Variants in KCNG1 observed in about 807,000 individuals in gnomAD.
The protein encoded by KCNG1 is potassium voltage-gated channel modifier subfamily G member 1.
Under a neutral mutation model 32.4 loss-of-function variants are expected in KCNG1, and 17 were observed. The observed-to-expected ratio is 0.52, with a 90% CI of 0.36 to 0.79. KCNG1 has a LOEUF of 0.79. Ranked by LOEUF, KCNG1 falls within the 30% of genes least tolerant of loss-of-function variation. The pLI, the probability that KCNG1 is intolerant of heterozygous loss-of-function variation, is 0.00. For missense variants in KCNG1, 441 were observed against 735.2 expected (o/e 0.60, Z 4.63); for synonymous variants, 358 against 339.9 (o/e 1.05, Z -0.59).
intron 2 of KCNG1, among the ~76,000 whole-genome samples, chr20:51,009,025 A>G (rs1334397408): frequency 6.6e-6 from 1 of 152,188 alleles, no homozygotes; most frequent in Admixed American, 6.5e-5. Flanking sequence ...TGGAGTAAAT[A>G]AACTTTCCAT....
chr20:51,014,508 G>T (rs879416333), intron 1 of KCNG1, among the ~76,000 whole-genome samples: 1 of 152,196 alleles, frequency 6.6e-6, no homozygotes, highest in Non-Finnish European at 1.5e-5. Context: ...TTGAAGCAGA[G>T]GCTGCGATGG....
chr20:51,022,458 G>C (rs1988516646), intron 1 of KCNG1, among the ~76,000 whole-genome samples: 1 of 152,168 alleles, frequency 6.6e-6, no homozygotes, highest in African/African-American at 2.4e-5. Context: ...GCTCCATACT[G>C]TGCCTAAGGA....
At chr20:51,017,078 T>A (rs1988305778) in intron 1 of KCNG1, among the ~76,000 whole-genome samples, 1 of 152,240 alleles carries the variant, frequency 6.6e-6, no homozygotes, top group South Asian at 2.1e-4. Context: ...GGTTTGCTTC[T>A]GGGGAACCAG....
Position 51,004,416 on chromosome 20 carries a change from C to T in KCNG1, c.1165G>A (p.Ala389Thr), listed in dbSNP as rs1392220748. The change falls in exon 3 of 3, where the codon GCC (alanine) becomes ACC (threonine). Residue 389 changes from alanine (A) to threonine (T), a missense_variant. This residue lies in a region of KCNG1 where 169 missense variants were observed against 297.7 expected (regional missense o/e 0.57). Transcript: ENST00000371571. This position sits in a 1 kb window ranked among gnomAD's most constrained non-coding sequence, Gnocchi z 4.3. Reference sequence around the variant, plus strand: ...ACGTAGAGCAGGGGCGCGAAGAGGGCGATGGCCACGCAGAGGAAGAGCAGC... The same window carrying T: ...ACGTAGAGCAGGGGCGCGAAGAGGGTGATGGCCACGCAGAGGAAGAGCAGC... ...LLLLFLCVAIALFAPLLYVIE... is the reference protein window; with the variant it reads ...LLLLFLCVAITLFAPLLYVIE... The T allele has an allele frequency of 1.2e-6, 2 of 1,610,700 alleles. No homozygotes were observed. Among genetic ancestry groups the T allele is most frequent in the South Asian group, 1.1e-5 (1 of 90,990 alleles).
Position 51,009,222 on chromosome 20 carries a change from G to A in KCNG1, c.774+343C>T, listed in dbSNP as rs932686149. Among the ~76,000 whole-genome samples the A allele has an allele frequency of 2.6e-5, 4 of 152,260 alleles. No individual in the cohort carries two copies. The East Asian group carries it at 7.7e-4, about 29-fold the overall frequency. On this transcript the variant is annotated intron_variant, in intron 2 of 2. Transcript: ENST00000371571. ...ATATATGTAATGTGCTTCGCTCAGG[G>A]CCAGGCACGTCAAAAATCACACCAC...
intron 1 of KCNG1, among the ~76,000 whole-genome samples, chr20:51,010,880 G>A (rs1250161907): frequency 2.0e-5 from 3 of 150,816 alleles, no homozygotes. Context: ...GGGTGACAGA[G>A]CAAGACTCCA....
At chr20:51,007,188 A>ATTTTTT in intron 2 of KCNG1, 1 of 144,536 alleles carries the variant, frequency 6.9e-6, no homozygotes, top group East Asian at 2.0e-4. Flanking sequence ...CCATCTCTAA[A>ATTTTTT]TTTTTTTTTT....
intron 1 of KCNG1, among the ~76,000 whole-genome samples, chr20:51,017,728 G>T (rs1601106945): frequency 6.6e-6 from 1 of 152,158 alleles, no homozygotes; most frequent in Non-Finnish European, 1.5e-5. Flanking sequence ...CTGTGTGAGA[G>T]AGGGGACCGG....
intron 1 of KCNG1, chr20:51,014,134 C>G (rs1988192934): frequency 6.6e-6 from 1 of 152,182 alleles, no homozygotes; most frequent in Non-Finnish European, 1.5e-5. Context: ...GCTGATGCTA[C>G]TCGGAGGGTA....
rs1302485629 is a variant in KCNG1, at chr20:51,009,577, C to T, written c.762G>A (p.Glu254=). The T allele has an allele frequency of 8.7e-6, 14 of 1,604,632 alleles. No individual in the cohort carries two copies. Among genetic ancestry groups the T allele is most frequent in the Non-Finnish European group, 1.0e-5 (12 of 1,176,672 alleles). ...LSVSTLPSLR[E]EEEQGHCSQM... is the part of the protein sequence containing the mutation. ...CGTGGGCTCTTACCTGCTCCTCCTC[C>T]TCCCTCAGGCTGGGCAAGGTGCTGA... The change falls in exon 2 of 3, where the codon GAG becomes GAA. Residue 254 remains glutamate (E), a synonymous_variant. Coordinates refer to ENST00000371571, the MANE Select transcript of KCNG1 (RefSeq NM_002237.4).
At chr20:51,010,678 T>C (rs1036637118) in intron 1 of KCNG1, among the ~76,000 whole-genome samples, 1 of 152,148 alleles carries the variant, frequency 6.6e-6, no homozygotes, top group African/African-American at 2.4e-5. Context: ...GTGGATCACC[T>C]GAGGTCAGGA....
In KCNG1 at chr20:51,004,466, C is replaced by T. The variant is rs1247711639; in HGVS notation, c.1115G>A (p.Arg372His). 2 of 1,599,496 alleles carry T rather than the reference C, an allele frequency of 1.3e-6. No individual in the cohort carries two copies. Among genetic ancestry groups the T allele is most frequent in the Non-Finnish European group, 1.7e-6 (2 of 1,173,302 alleles). The change falls in exon 3 of 3, where the codon CGC (arginine) becomes CAC (histidine). Residue 372 changes from arginine to histidine, a missense_variant. Transcript: ENST00000371571. The surrounding 1 kb of genome is among the most constrained non-coding windows in gnomAD (Gnocchi z 4.3). ...CAGGAGCCCGAACTCGCGGGTGCAG[C>T]GGCGGGCCGTGAGCCCCAGCGTCTG... ...GLQTLGLTAR[R>H]CTREFGLLLL...
Position 51,009,726 on chromosome 20 carries a change from G to A in KCNG1, c.613C>T (p.Arg205Cys), listed in dbSNP as rs371392489. ...AGTCGCCGCATGCAGCGCCCCAGGC[G>A]GCCCTCGCCCTCGGCCGGGCCCTCG... ...DSEGPAEGEG[R>C]LGRCMRRLRD... The change falls in exon 2 of 3, where the codon CGC (arginine) becomes TGC (cysteine). Residue 205 changes from arginine (R) to cysteine (C), a missense_variant. By Grantham distance (180) the Arg-to-Cys change is radical. Coordinates refer to ENST00000371571, the MANE Select transcript of KCNG1 (RefSeq NM_002237.4). 1.3e-5 allele frequency: 21 copies of A among 1,605,468 alleles called. No homozygotes were observed. The highest frequency in any genetic ancestry group is 2.7e-5 in the African/African-American group (2 of 74,828).
intron 1 of KCNG1, among the ~76,000 whole-genome samples, chr20:51,018,282 C>T (rs1198687093): frequency 1.3e-5 from 2 of 152,192 alleles, no homozygotes; most frequent in African/African-American, 4.8e-5. Flanking sequence ...TCTGAGCCTG[C>T]CTCCTCCCCT....
rs1987761120 is a variant in KCNG1 at position 51,004,759 on chromosome 20, C to T, written c.822G>A (p.Val274=). The change falls in exon 3 of 3, where the codon GTG becomes GTA. Residue 274 remains valine (V), a synonymous_variant. Coordinates refer to ENST00000371571, the MANE Select transcript of KCNG1 (RefSeq NM_002237.4). The surrounding 1 kb of genome is among the most constrained non-coding windows in gnomAD (Gnocchi z 4.3). The part of the protein sequence containing the change: ...MCHNVFIVES[V]CVGWFSLEFL... Reference sequence around the variant, plus strand: ...ACTCCAGGGAGAACCAGCCCACGCACACCGACTCCACGATGAAGACGTTGT... The same window carrying T: ...ACTCCAGGGAGAACCAGCCCACGCATACCGACTCCACGATGAAGACGTTGT... The T allele has an allele frequency of 6.3e-7, 1 of 1,588,834 alleles. No homozygotes were observed. The highest frequency in any genetic ancestry group is 8.6e-7 in the Non-Finnish European group (1 of 1,166,008).
intron 1 of KCNG1, among the ~76,000 whole-genome samples, chr20:51,017,944 A>G (rs1357022672): frequency 6.6e-6 from 1 of 152,258 alleles, no homozygotes; most frequent in Non-Finnish European, 1.5e-5. Flanking sequence ...AGGAGCCCAG[A>G]GATCCACTGA....
chr20:51,009,462 T>C (rs1344006677), intron 2 of KCNG1, 103 bp downstream of exon 2: 8 of 1,301,598 alleles, frequency 6.1e-6, no homozygotes, highest in Non-Finnish European at 8.3e-6. Context: ...AGGGATGCTA[T>C]TCAGCCAGTG....
chr20:51,009,742 C>CGGGCCCTCGCTGTCG lies in KCNG1; in HGVS notation c.582_596dup (p.Asp195_Pro199dup). On this transcript the variant is annotated inframe_insertion, in exon 2 of 3. Coordinates refer to ENST00000371571, the MANE Select transcript of KCNG1 (RefSeq NM_002237.4). ...GCCCCAGGCGGCCCTCGCCCTCGGC[C>CGGGCCCTCGCTGTCG]GGGCCCTCGCTGTCGCGGCCCTCGC... The CGGGCCCTCGCTGTCG allele has an allele frequency of 2.5e-6, 4 of 1,608,174 alleles. No homozygotes were observed. Among genetic ancestry groups the CGGGCCCTCGCTGTCG allele is most frequent in the Non-Finnish European group, 3.4e-6 (4 of 1,179,290 alleles).
chr20:51,010,921 AC>A (rs1461528014), intron 1 of KCNG1, among the ~76,000 whole-genome samples: 31 of 23,108 alleles, frequency 1.3e-3, no homozygotes, highest in East Asian at 4.1e-3. Context: ...ACAAAACAAA[AC>A]AAAACAAAAA....
Sources: gnomAD v4.1 joint callset for allele counts (sites outside exome capture counted in the v4.1 genomes callset) on GRCh38, gnomAD v4.1.1 for gene constraint, gnomAD v4.1.1 regional missense constraint, Gnocchi (gnomAD v3.1) non-coding constraint, MANE v1.5 for transcripts, NCBI Gene and HGNC (gene_info 2026-07-23, HGNC 2026-07-21) for gene names.